The following DMBT1 variants were observed in gnomAD, a reference collection of about 807,000 sequenced individuals.
The protein encoded by DMBT1 is scavenger receptor cysteine-rich domain-containing protein DMBT1.
DMBT1 carries 198 observed loss-of-function variants against 252.9 expected under a neutral mutation model. The ratio of observed to expected loss-of-function variants is 0.78; its 90% CI spans 0.70 to 0.88. The LOEUF (loss-of-function observed/expected upper bound fraction) is 0.88, where lower values mean the gene tolerates loss of function less well. Ranked by LOEUF, DMBT1 falls within the 40% of genes least tolerant of loss-of-function variation. DMBT1 has a pLI of 0.00. For missense variants in DMBT1, 2,432 were observed against 2,404.7 expected, an observed-to-expected ratio of 1.01 and a Z score of -0.24; for synonymous variants, 990 against 942.7, an observed-to-expected ratio of 1.05 and a Z score of -0.92.
At position 122,572,468 on chromosome 10, in the gene DMBT1, C is replaced by A. The variant is rs917973356; in HGVS notation, c.235+107C>A. The A allele has an allele frequency of 2.7e-6, 4 of 1,470,498 alleles. No homozygotes were observed. In the Admixed American group the frequency reaches 5.1e-5, roughly 19 times the overall value. 91.1% of individuals were successfully genotyped at this position (1,470,498 alleles called of 1,614,324 possible). On this transcript the variant is annotated intron_variant, in intron 5 of 55. Transcript: ENST00000338354. ...GAGGACATAGAAAGTAGTGTGCTGG[C>A]GTCAGGTGCTCAGGTAGTGTGGATA...
rs1308320744 is a variant in DMBT1 at position 122,597,989 on chromosome 10, T to C, written c.2933T>C (p.Ile978Thr). 1.9e-6 allele frequency: 3 copies of C among 1,613,774 alleles called. No homozygotes were observed. Among genetic ancestry groups the C allele is most frequent in the East Asian group, 2.2e-5 (1 of 44,880 alleles). The change falls in exon 25 of 56, where the codon ATC becomes ACC. Residue 978 changes from isoleucine to threonine, a missense_variant. Physicochemically the swap from Ile to Thr is moderately conservative, Grantham distance 89. Coordinates refer to ENST00000338354, the MANE Select transcript of DMBT1 (RefSeq NM_001377530.1). The part of the protein sequence containing the change: ...STPSPDTLPT[I>T]TLPASTVGSE... ...GCAATTACAGACACATTGCCGACCA[T>C]CACCTTGCCTGCATCGACAGTAGGT...
At position 122,592,363 on chromosome 10, in the gene DMBT1, C is replaced by T. The variant is rs142523929; in HGVS notation, c.2268C>T (p.Thr756=). The change falls in exon 20 of 56, where the codon ACC becomes ACT. Residue 756 remains threonine, a synonymous_variant. Transcript: ENST00000338354. ...TCCTATACCGAGGCTCCTGGGGCAC[C>T]GTGTGTGATGACAGCTGGGATACCA... ...VEVLYRGSWG[T]VCDDSWDTND... 3,433 of 1,588,288 alleles carry T rather than the reference C, an allele frequency of 2.2e-3. 200 individuals are homozygous for T. The African/African-American group carries it at 0.034, about 16-fold the overall frequency.
At chr10:122,621,700 G>A (rs1038395334) in intron 44 of DMBT1, among the ~76,000 whole-genome samples, 5 of 152,176 alleles carry the variant, frequency 3.3e-5, no homozygotes, top group Admixed American at 3.3e-4. Context: ...GTGAGGGTAT[G>A]GTGGACACAG....
At chr10:122,600,680 C>T (rs1319764412) in intron 27 of DMBT1, among the ~76,000 whole-genome samples, 1 of 152,204 alleles carries the variant, frequency 6.6e-6, no homozygotes, top group African/African-American at 2.4e-5. Context: ...GTCCGAGCCT[C>T]AGCAATGGCG....
chr10:122,625,195 G>C, intron 44 of DMBT1, 82 bp from the exon 45 acceptor site: 1 of 1,363,284 alleles, frequency 7.3e-7, no homozygotes, highest in Non-Finnish European at 1.0e-6. Flanking sequence ...TAAGTGATGA[G>C]ATGGGGACAG....
intron 44 of DMBT1, among the ~76,000 whole-genome samples, 168 bp from the exon 45 acceptor site, chr10:122,625,109 C>T (rs889350577): frequency 1.3e-5 from 2 of 152,200 alleles, no homozygotes; most frequent in Non-Finnish European, 2.9e-5. Flanking sequence ...ATTCTTCCAA[C>T]ATCTTTTTTT....
At chr10:122,563,321 A>G (rs1310231213) in intron 1 of DMBT1, among the ~76,000 whole-genome samples, 1 of 152,224 alleles carries the variant, frequency 6.6e-6, no homozygotes, top group Non-Finnish European at 1.5e-5. Context: ...ACAGAGCCTC[A>G]GAACCATTTA....
chr10:122,630,999 G>C lies in DMBT1; in HGVS notation c.6064G>C (p.Gly2022Arg), dbSNP rs867385580. 3.1e-6 allele frequency: 5 copies of C among 1,610,444 alleles called. No homozygotes were observed. The highest frequency in any genetic ancestry group is 4.2e-6 in the Non-Finnish European group (5 of 1,176,928). ...LRLVNLNSSY[G>R]LCAGRVEIYH... Reference sequence around the variant, plus strand: ...GTTGGTCAATTTAAATTCATCCTATGGTCTATGTGCCGGGCGTGTAGAAAT... The same window carrying C: ...GTTGGTCAATTTAAATTCATCCTATCGTCTATGTGCCGGGCGTGTAGAAAT... Residue 2022 changes from glycine to arginine, a missense_variant, in exon 49 of 56, where the codon GGT becomes CGT. Gly to Arg is a moderately radical substitution (Grantham distance 125, BLOSUM62 -2). This residue lies in a region of DMBT1 where 1,162 missense variants were observed against 1,169.0 expected (regional missense o/e 0.99). Coordinates refer to ENST00000338354, the MANE Select transcript of DMBT1 (RefSeq NM_001377530.1).
At chr10:122,576,342 C>T in intron 6 of DMBT1, 57 bp from the exon 7 acceptor site, 1 of 1,593,312 alleles carries the variant, frequency 6.3e-7, no homozygotes, top group Middle Eastern at 1.7e-4. Context: ...CCCTGCAGGC[C>T]CTGAGACCTT....
chr10:122,600,900 G>A (rs936576569), intron 27 of DMBT1, 91 bp from the exon 28 acceptor site: 1 of 648,280 alleles, frequency 1.5e-6, no homozygotes, highest in Admixed American at 2.7e-5. Flanking sequence ...TGGAATTGTT[G>A]CCAGGTGGAT....
At chr10:122,630,785 G>C (rs2098157805) in intron 48 of DMBT1, among the ~76,000 whole-genome samples, 176 bp from the exon 49 acceptor site, 1 of 152,182 alleles carries the variant, frequency 6.6e-6, no homozygotes. Flanking sequence ...GCGATGTCTA[G>C]AGCCCCTTTC....
intron 52 of DMBT1, among the ~76,000 whole-genome samples, chr10:122,633,542 G>A (rs553292078): frequency 5.9e-5 from 9 of 152,316 alleles, no homozygotes; most frequent in Non-Finnish European, 8.8e-5. Context: ...GTGGAGAGTT[G>A]GGGAGGGGGC....
At chr10:122,597,475 G>A (rs1453859820) in intron 24 of DMBT1, among the ~76,000 whole-genome samples, 1 of 152,172 alleles carries the variant, frequency 6.6e-6, no homozygotes, top group African/African-American at 2.4e-5. Flanking sequence ...GTGCAGGCCT[G>A]ACACCTCCCT....
chr10:122,580,872 A>C lies in DMBT1; in HGVS notation c.1010A>C (p.Gln337Pro). The C allele has an allele frequency of 6.2e-7, 1 of 1,613,832 alleles. No homozygotes were observed. The highest frequency in any genetic ancestry group is 8.5e-7 in the Non-Finnish European group (1 of 1,179,864). The change falls in exon 11 of 56, where the codon CAG (glutamine) becomes CCG (proline). Residue 337 changes from glutamine (Q) to proline (P), a missense_variant. Coordinates refer to ENST00000338354, the MANE Select transcript of DMBT1 (RefSeq NM_001377530.1). ...EDAGVICSAP[Q>P]SRPTPSPDTW... Reference sequence around the variant, plus strand: ...TCTCTTCTCTTTCTCACAGCTCCCCAGTCCCGGCCGACACCCAGCCCAGGT... The same window carrying C: ...TCTCTTCTCTTTCTCACAGCTCCCCCGTCCCGGCCGACACCCAGCCCAGGT...
At chr10:122,581,626 T>A (rs1234290290) in intron 11 of DMBT1, among the ~76,000 whole-genome samples, 167 bp from the exon 12 acceptor site, 9 of 145,678 alleles carry the variant, frequency 6.2e-5, no homozygotes, top group Non-Finnish European at 1.0e-4. Context: ...CCTTTGTCCC[T>A]GGATGAGTTC....
At position 122,640,090 on chromosome 10, in the gene DMBT1, A is replaced by G. The variant is rs372122928; in HGVS notation, c.6993A>G (p.Ser2331=). ...DYSNFLTAAV[S]GGIIKRRTDL... is the part of the protein sequence containing the mutation. ...CCAACTTCCTCACAGCAGCTGTCTC[A>G]GGTGGCATCATCAAGAGGAGGACAG... is the stretch of plus-strand genomic sequence containing the variant. Residue 2331 remains serine, a synonymous_variant, in exon 55 of 56, where the codon TCA becomes TCG. Transcript: ENST00000338354. 1 of 1,614,044 alleles carries G rather than the reference A, an allele frequency of 6.2e-7. No homozygotes were observed. Among genetic ancestry groups the G allele is most frequent in the East Asian group, 2.2e-5 (1 of 44,874 alleles).
chr10:122,585,224 T>C, intron 14 of DMBT1, 47 bp from the exon 15 acceptor site: 1 of 1,577,022 alleles, frequency 6.3e-7, no homozygotes, highest in African/African-American at 1.3e-5. Flanking sequence ...TTTGGAGATT[T>C]TCACCATCAA....
intron 5 of DMBT1, among the ~76,000 whole-genome samples, chr10:122,573,208 C>CA (rs1332407743): frequency 6.6e-6 from 1 of 152,230 alleles, no homozygotes; most frequent in Non-Finnish European, 1.5e-5. Flanking sequence ...ATCCAACCAC[C>CA]AAGTGGGACT....
Position 122,580,814 on chromosome 10 carries a change from G to T in DMBT1, c.1004-52G>T, listed in dbSNP as rs945038670. ...TTCTTTCCCTCCTCGTTCCAGTTTT[G>T]CCGACTTCTGTGTAATGTTCCTGAT... On this transcript the variant is annotated intron_variant, in intron 10 of 55. Transcript: ENST00000338354. The T allele has an allele frequency of 4.8e-5, 77 of 1,611,074 alleles. No individual in the cohort carries two copies. In the Middle Eastern group the frequency reaches 1.5e-3, roughly 31 times the overall value.
Sources: gnomAD v4.1 joint callset for allele counts (sites outside exome capture counted in the v4.1 genomes callset) on GRCh38, gnomAD v4.1.1 for gene constraint, gnomAD v4.1.1 regional missense constraint, MANE v1.5 for transcripts, NCBI Gene and HGNC (gene_info 2026-07-23, HGNC 2026-07-21) for gene names.